Variants in LRBA observed in about 807,000 individuals in gnomAD.
LRBA encodes lipopolysaccharide-responsive and beige-like anchor protein.
Under a neutral mutation model 330.0 loss-of-function variants are expected in LRBA, and 176 were observed. That is an observed-to-expected ratio of 0.53 (90% confidence interval 0.47 to 0.60). The LOEUF (loss-of-function observed/expected upper bound fraction) is 0.60. Ranked by LOEUF, LRBA falls within the 20% of genes least tolerant of loss-of-function variation. LRBA has a pLI of 0.00. For missense variants in LRBA, 3,259 were observed against 3,444.8 expected (o/e 0.95, Z 1.35); for synonymous variants, 1,230 against 1,193.0 (o/e 1.03, Z -0.64).
intron 49 of LRBA, among the ~76,000 whole-genome samples, chr4:150,322,620 A>T (rs1283035611): frequency 6.6e-6 from 1 of 152,220 alleles, no homozygotes; most frequent in Non-Finnish European, 1.5e-5. Context: ...AAAAGTTATT[A>T]AGAGTACTTA....
intron 44 of LRBA, among the ~76,000 whole-genome samples, chr4:150,455,743 T>C (rs1162295506): frequency 6.6e-6 from 1 of 152,110 alleles, no homozygotes; most frequent in Non-Finnish European, 1.5e-5. Flanking sequence ...TGCTATCAAA[T>C]ATTAGGTCTT....
At chr4:150,598,894 C>A (rs1581780008) in intron 38 of LRBA, 113 bp downstream of exon 38, 2 of 1,263,982 alleles carry the variant, frequency 1.6e-6, no homozygotes, top group African/African-American at 3.0e-5. Context: ...GTATGAACAA[C>A]CATAAAATGT....
intron 34 of LRBA, among the ~76,000 whole-genome samples, chr4:150,776,348 A>G (rs1282485096): frequency 6.6e-6 from 1 of 152,168 alleles, no homozygotes; most frequent in African/African-American, 2.4e-5. Flanking sequence ...ATAGTAATTC[A>G]AGCATATCAC....
intron 2 of LRBA, among the ~76,000 whole-genome samples, chr4:150,968,130 G>C (rs112879150): frequency 6.6e-6 from 1 of 151,116 alleles, no homozygotes; most frequent in Admixed American, 6.6e-5. Flanking sequence ...TCAGCCGCCC[G>C]AGTAGCTGGG....
chr4:150,911,314 A>G (rs1731963353), intron 9 of LRBA, among the ~76,000 whole-genome samples: 5 of 152,120 alleles, frequency 3.3e-5, no homozygotes. Flanking sequence ...TGTGTCAGTC[A>G]TGGGCTTTTC....
At chr4:150,826,160 G>A (rs1001791067) in intron 30 of LRBA, among the ~76,000 whole-genome samples, 2 of 152,222 alleles carry the variant, frequency 1.3e-5, no homozygotes, top group East Asian at 1.9e-4. Flanking sequence ...AAGAATCTAA[G>A]GCTAGATTTA....
chr4:150,393,928 A>C (rs944043426), intron 47 of LRBA, among the ~76,000 whole-genome samples: 1 of 152,254 alleles, frequency 6.6e-6, no homozygotes, highest in Admixed American at 6.5e-5. Context: ...CATAAAGAGT[A>C]GGTCAACATG....
At chr4:150,357,276 T>C (rs1337804643) in intron 47 of LRBA, among the ~76,000 whole-genome samples, 2 of 152,014 alleles carry the variant, frequency 1.3e-5, no homozygotes, top group Non-Finnish European at 2.9e-5. Context: ...AGAATCATTC[T>C]GTCTACGATT....
chr4:150,783,580 A>C (rs1738585030), intron 34 of LRBA, among the ~76,000 whole-genome samples: 2 of 152,242 alleles, frequency 1.3e-5, no homozygotes, highest in African/African-American at 4.8e-5. Context: ...TTCTAAATGA[A>C]GAATTTACAG....
At chr4:150,290,597 A>C (rs1728159184) in intron 53 of LRBA, among the ~76,000 whole-genome samples, 1 of 152,252 alleles carries the variant, frequency 6.6e-6, no homozygotes, top group East Asian at 1.9e-4. Flanking sequence ...GAAAGAGGAC[A>C]GACTTCTAGG....
In LRBA at chr4:150,817,394, G is replaced by A. The variant is rs866342244; in HGVS notation, c.5172-137C>T. ...TTATTTCTATTTGATGTACAATTTA[G>A]ACTTTTCACCCAACATGAAATATCT... On this transcript the variant is annotated intron_variant, in intron 30 of 56. Coordinates refer to ENST00000651943, the MANE Select transcript of LRBA (RefSeq NM_001364905.1). 153 of 734,144 alleles carry A rather than the reference G, an allele frequency of 2.1e-4. 5 individuals carry two copies. The South Asian group carries it at 2.5e-3, about 12-fold the overall frequency. The allele number at this position is 734,144 out of a possible 1,614,324, so 45.5% of individuals were successfully genotyped here.
intron 37 of LRBA, among the ~76,000 whole-genome samples, chr4:150,617,709 G>A (rs536783368): frequency 5.3e-5 from 8 of 151,904 alleles, no homozygotes; most frequent in East Asian, 1.9e-4. Flanking sequence ...CCTATATTCC[G>A]CCTGAGGTAC....
intron 35 of LRBA, among the ~76,000 whole-genome samples, chr4:150,742,324 G>A (rs1732121084): frequency 6.6e-6 from 1 of 151,566 alleles, no homozygotes. Flanking sequence ...TATTTTGGTG[G>A]TGTTGTAGAG....
At chr4:150,422,884 G>C (rs1002093523) in intron 46 of LRBA, 1 of 974,144 alleles carries the variant, frequency 1.0e-6, no homozygotes, top group Non-Finnish European at 1.7e-6. Flanking sequence ...TAACATGGAG[G>C]CACTCAGGAC....
chr4:150,851,390 T>C (rs1750597368), intron 23 of LRBA, among the ~76,000 whole-genome samples: 1 of 152,194 alleles, frequency 6.6e-6, no homozygotes, highest in Non-Finnish European at 1.5e-5. Context: ...CCAAGCACTG[T>C]CTCATGGGTC....
At chr4:150,642,010 C>T (rs1224874737) in intron 37 of LRBA, among the ~76,000 whole-genome samples, 3 of 152,008 alleles carry the variant, frequency 2.0e-5, no homozygotes, top group Non-Finnish European at 2.9e-5. Flanking sequence ...TTTTAAACTA[C>T]TGAGTCAAAT....
intron 35 of LRBA, among the ~76,000 whole-genome samples, chr4:150,745,059 C>T (rs1732505639): frequency 6.6e-6 from 1 of 152,072 alleles, no homozygotes; most frequent in Non-Finnish European, 1.5e-5. Flanking sequence ...CTCTCAGTGA[C>T]AGTAAACAAG....
Position 150,928,986 on chromosome 4 carries a change from A to G in LRBA, c.296T>C (p.Leu99Pro), listed in dbSNP as rs1463353811. ...TTGGCACGTAATGTCACATTTTTCCAGTAGGTCCACCATGCAGTTAATACT... is the reference window on the plus strand; with the variant it reads ...TTGGCACGTAATGTCACATTTTTCCGGTAGGTCCACCATGCAGTTAATACT... ...GESINCMVDLLEKCDITCQAE... is the reference protein window; with the variant it reads ...GESINCMVDLPEKCDITCQAE... The change falls in exon 3 of 57, where the codon CTG becomes CCG. Residue 99 changes from leucine (L) to proline (P), a missense_variant. Coordinates refer to ENST00000651943, the MANE Select transcript of LRBA (RefSeq NM_001364905.1). The G allele has an allele frequency of 6.2e-7, 1 of 1,613,862 alleles. No homozygotes were observed. The highest frequency in any genetic ancestry group is 8.5e-7 in the Non-Finnish European group (1 of 1,179,962).
intron 42 of LRBA, among the ~76,000 whole-genome samples, chr4:150,481,070 A>C (rs990577819): frequency 6.6e-6 from 1 of 152,170 alleles, no homozygotes; most frequent in East Asian, 1.9e-4. Flanking sequence ...TAGCTTCCAC[A>C]TATGAGTGAG....
Sources: allele counts gnomAD v4.1 joint callset (sites outside exome capture counted in the v4.1 genomes callset), GRCh38; gene constraint gnomAD v4.1.1; transcripts MANE v1.5; gene names NCBI Gene and HGNC (gene_info 2026-07-23, HGNC 2026-07-21).